Variants in CALCR observed in about 807,000 individuals in gnomAD.
CALCR encodes the protein calcitonin receptor.
Under a neutral mutation model 59.5 loss-of-function variants are expected in CALCR, and 47 were observed. That is an observed-to-expected ratio of 0.79 (90% CI 0.63 to 1.01). CALCR has a LOEUF of 1.01. Ranked by LOEUF, CALCR falls within the 50% of genes least tolerant of loss-of-function variation. The pLI is 0.00. For missense variants in CALCR, 566 were observed against 597.1 expected (o/e 0.95, Z 0.54); for synonymous variants, 213 against 211.3 (o/e 1.01, Z -0.07).
chr7:93,520,791 C>T (rs902551300), intron 2 of CALCR, among the ~76,000 whole-genome samples: 2 of 151,958 alleles, frequency 1.3e-5, no homozygotes, highest in African/African-American at 4.8e-5. Context: ...GAAAGTGGGG[C>T]CAATTTTTTT....
chr7:93,426,136 G>A lies in CALCR; in HGVS notation c.*220C>T, dbSNP rs1479588655. Reference sequence around the variant, plus strand: ...TGCATCTCAGTCCTGGATGAATGATGGAGTTCACAAGTTGCAGTGGGAGAC... The same window carrying A: ...TGCATCTCAGTCCTGGATGAATGATAGAGTTCACAAGTTGCAGTGGGAGAC... On this transcript the variant is annotated 3_prime_UTR_variant, in exon 14 of 14. Transcript: ENST00000426151. 1.2e-5 allele frequency: 6 copies of A among 501,154 alleles called. No individual in the cohort carries two copies. Among genetic ancestry groups the A allele is most frequent in the Admixed American group, 7.1e-5 (2 of 28,154 alleles). 31.0% of individuals were successfully genotyped at this position (501,154 alleles called of 1,614,324 possible).
chr7:93,429,861 A>G (rs1799610808), intron 13 of CALCR, among the ~76,000 whole-genome samples: 1 of 151,904 alleles, frequency 6.6e-6, no homozygotes, highest in African/African-American at 2.4e-5. Context: ...ATTAAAAAAA[A>G]AAAAACACTT....
chr7:93,574,526 A>G lies in CALCR; in HGVS notation c.-244-20T>C, dbSNP rs1235277065. The G allele has an allele frequency of 6.6e-6, 1 of 152,272 alleles. No homozygotes were observed. The highest frequency in any genetic ancestry group is 1.9e-4 in the East Asian group (1 of 5,158). The allele number at this position is 152,272 out of a possible 1,614,324, so 9.4% of individuals were successfully genotyped here. A position where few individuals can be genotyped will look rare whatever the true frequency, so the allele number is the denominator to read the frequency against. ...GCTTTCCTAGTTTGATGCGAGAGCA[A>G]ACTGCGTTAGTCTCAGTCCTCCCTC... On this transcript the variant is annotated intron_variant, in intron 1 of 13. Transcript: ENST00000426151.
intron 2 of CALCR, among the ~76,000 whole-genome samples, chr7:93,533,887 A>G (rs1289759550): frequency 1.3e-5 from 2 of 151,790 alleles, no homozygotes; most frequent in South Asian, 2.1e-4. Flanking sequence ...TGGGTTTGTT[A>G]GCAGCCTGCT....
chr7:93,448,242 G>A (rs970420968), intron 8 of CALCR, among the ~76,000 whole-genome samples: 1 of 151,864 alleles, frequency 6.6e-6, no homozygotes, highest in Admixed American at 6.6e-5. Flanking sequence ...GGTAAAACTG[G>A]GGTATTAGAT....
chr7:93,426,085 T>C lies in CALCR; in HGVS notation c.*271A>G, dbSNP rs2115638362. 1 of 344,362 alleles carries C rather than the reference T, an allele frequency of 2.9e-6. No individual in the cohort carries two copies. Among genetic ancestry groups the C allele is most frequent in the Non-Finnish European group, 5.2e-6 (1 of 192,154 alleles). 21.3% of individuals were successfully genotyped at this position (344,362 alleles called of 1,614,324 possible). A position where few individuals can be genotyped will look rare whatever the true frequency, so the allele number is the denominator to read the frequency against. ...GGTCAATTTCATTGTTTTTCTTTGA[T>C]ACTTTGCTTGCATTACTGTGACATT... On this transcript the variant is annotated 3_prime_UTR_variant, in exon 14 of 14. Coordinates refer to ENST00000426151, the MANE Select transcript of CALCR (RefSeq NM_001742.4).
At chr7:93,512,524 C>A (rs1297388495) in intron 2 of CALCR, among the ~76,000 whole-genome samples, 2 of 152,064 alleles carry the variant, frequency 1.3e-5, no homozygotes, top group African/African-American at 4.8e-5. Flanking sequence ...TTAAAAAATG[C>A]ACATAAGATG....
chr7:93,562,724 T>C (rs1548456), intron 2 of CALCR, among the ~76,000 whole-genome samples: 103,481 of 152,032 alleles, frequency 0.68, 36,408 homozygotes, highest in African/African-American at 0.87. Flanking sequence ...GTAAAACAAA[T>C]AGATAAAATC....
chr7:93,456,571 C>A (rs1038785806), intron 8 of CALCR, among the ~76,000 whole-genome samples: 2 of 152,006 alleles, frequency 1.3e-5, no homozygotes, highest in African/African-American at 4.8e-5. Flanking sequence ...AGATATGTTT[C>A]CAAAATAGTA....
intron 2 of CALCR, among the ~76,000 whole-genome samples, chr7:93,512,925 ATTT>A (rs1801576762): frequency 6.6e-6 from 1 of 152,218 alleles, no homozygotes; most frequent in Non-Finnish European, 1.5e-5. Flanking sequence ...TGATTATCGT[ATTT>A]AGGAGCTGGC....
intron 6 of CALCR, among the ~76,000 whole-genome samples, chr7:93,471,022 G>A (rs562920903): frequency 4.0e-4 from 60 of 149,186 alleles, no homozygotes; most frequent in Admixed American, 1.2e-3. Context: ...GAGAATATGC[G>A]GTGTTTGGTT....
At chr7:93,566,984 T>C (rs959283792) in intron 2 of CALCR, among the ~76,000 whole-genome samples, 70 of 152,304 alleles carry the variant, frequency 4.6e-4, no homozygotes, top group African/African-American at 1.6e-3. Context: ...AAATACCACC[T>C]AAGTAGCTCC....
chr7:93,559,531 C>A (rs1789691866), intron 2 of CALCR: 1 of 152,016 alleles, frequency 6.6e-6, no homozygotes, highest in African/African-American at 2.4e-5. Flanking sequence ...CTGAAATAAA[C>A]TGCAGTCCCA....
At chr7:93,444,586 C>CTAGA (rs2115733716) in intron 8 of CALCR, among the ~76,000 whole-genome samples, 1 of 152,134 alleles carries the variant, frequency 6.6e-6, no homozygotes. Flanking sequence ...TTTCTATCCA[C>CTAGA]TAGATGTTAG....
intron 9 of CALCR, among the ~76,000 whole-genome samples, chr7:93,443,220 G>A (rs1183548646): frequency 8.5e-5 from 13 of 152,128 alleles, no homozygotes; most frequent in Admixed American, 8.5e-4. Context: ...GCCAGGGTAG[G>A]GGAGGTACAT....
chr7:93,440,551 G>GTGTT (rs1234984386), intron 9 of CALCR, among the ~76,000 whole-genome samples: 1 of 151,788 alleles, frequency 6.6e-6, no homozygotes, highest in African/African-American at 2.4e-5. Flanking sequence ...GTGTCTGTGT[G>GTGTT]TGTGTGTGTG....
chr7:93,541,457 C>A (rs766566513), intron 2 of CALCR, among the ~76,000 whole-genome samples: 5 of 152,088 alleles, frequency 3.3e-5, no homozygotes, highest in Non-Finnish European at 7.4e-5. Context: ...CCACCGCACC[C>A]GGCCTTTATC....
At chr7:93,475,428 G>A (rs1800646572) in intron 5 of CALCR, among the ~76,000 whole-genome samples, 1 of 151,650 alleles carries the variant, frequency 6.6e-6, no homozygotes, top group African/African-American at 2.4e-5. Context: ...AAAAATTGAT[G>A]TTGAAAATTT....
At chr7:93,521,308 GAT>G (rs994590625) in intron 2 of CALCR, among the ~76,000 whole-genome samples, 4 of 152,104 alleles carry the variant, frequency 2.6e-5, no homozygotes, top group Admixed American at 1.3e-4. Context: ...TTGGTAGGAA[GAT>G]ATGTCTGGTA....
Sources: allele counts gnomAD v4.1 joint callset (sites outside exome capture counted in the v4.1 genomes callset), GRCh38; gene constraint gnomAD v4.1.1; transcripts MANE v1.5; gene names NCBI Gene and HGNC (gene_info 2026-07-23, HGNC 2026-07-21).